The following TTLL5 variants were observed in gnomAD, a reference collection of about 807,000 sequenced individuals.
The protein encoded by TTLL5 is tubulin polyglutamylase TTLL5.
TTLL5 carries 132 observed loss-of-function variants against 168.4 expected under a neutral mutation model. The ratio of observed to expected loss-of-function variants is 0.78; its 90% CI spans 0.68 to 0.91. The LOEUF is 0.91. Ranked by LOEUF, TTLL5 falls within the 40% of genes least tolerant of loss-of-function variation. TTLL5 has a pLI of 0.00. For missense variants in TTLL5, 1,545 were observed against 1,581.5 expected (o/e 0.98, Z 0.39); for synonymous variants, 546 against 558.6 (o/e 0.98, Z 0.32).
At chr14:75,917,145 C>T (rs2033646531) in intron 31 of TTLL5, among the ~76,000 whole-genome samples, 1 of 152,172 alleles carries the variant, frequency 6.6e-6, no homozygotes, top group Non-Finnish European at 1.5e-5. Context: ...CTTAATGCCA[C>T]TGAACTGTAC....
At position 75,779,715 on chromosome 14, in the gene TTLL5, G is replaced by C. The variant is rs1891930831; in HGVS notation, c.2515+13G>C. On this transcript the variant is annotated intron_variant, in intron 24 of 31. Transcript: ENST00000298832. ...GGGGCAAAAGGTGGTAAGTATACTG[G>C]TTAATGAACGAAAAATAAGAAGAAC... 1 of 1,585,794 alleles carries C rather than the reference G, an allele frequency of 6.3e-7. No homozygotes were observed. Among genetic ancestry groups the C allele is most frequent in the African/African-American group, 1.4e-5 (1 of 72,962 alleles).
intron 28 of TTLL5, among the ~76,000 whole-genome samples, chr14:75,824,715 T>G (rs1049678486): frequency 2.0e-5 from 3 of 150,972 alleles, no homozygotes; most frequent in Non-Finnish European, 2.9e-5. Context: ...GATGGTACAT[T>G]TAAAATTATG....
chr14:75,737,148 A>G (rs1008045013), intron 15 of TTLL5, among the ~76,000 whole-genome samples: 23 of 152,222 alleles, frequency 1.5e-4, no homozygotes, highest in Admixed American at 2.6e-4. Context: ...AACTCTTTGC[A>G]AACTCTAGAA....
intron 3 of TTLL5, among the ~76,000 whole-genome samples, chr14:75,676,972 A>G (rs1012231250): frequency 2.0e-5 from 3 of 151,790 alleles, no homozygotes; most frequent in Non-Finnish European, 2.9e-5. Context: ...AGGGTCTCCT[A>G]TGTTGCTCAG....
At chr14:75,707,736 T>TGGGTGGGTATATTAA (rs755584881) in intron 9 of TTLL5, 29 bp downstream of exon 9, 2 of 1,292,044 alleles carry the variant, frequency 1.5e-6, no homozygotes, top group South Asian at 1.2e-5. Context: ...GTGAAGGGGT[T>TGGGTGGGTATATTAA]GGGTGGGTAT....
chr14:75,876,083 G>A (rs1047582359), intron 29 of TTLL5, among the ~76,000 whole-genome samples: 2 of 152,208 alleles, frequency 1.3e-5, no homozygotes, highest in Non-Finnish European at 2.9e-5. Flanking sequence ...ACGTCAACCA[G>A]TGTCTGATTG....
At chr14:75,947,436 A>G (rs1473014149) in intron 31 of TTLL5, among the ~76,000 whole-genome samples, 1 of 152,250 alleles carries the variant, frequency 6.6e-6, no homozygotes, top group Non-Finnish European at 1.5e-5. Flanking sequence ...GTTCACCAAG[A>G]AAGTGCTCAA....
chr14:75,696,763 C>G (rs1885905374), intron 6 of TTLL5, among the ~76,000 whole-genome samples: 1 of 152,186 alleles, frequency 6.6e-6, no homozygotes, highest in African/African-American at 2.4e-5. Context: ...TACATACCCT[C>G]TAGAGATATT....
At chr14:75,815,511 A>C (rs992667736) in intron 27 of TTLL5, among the ~76,000 whole-genome samples, 1 of 152,192 alleles carries the variant, frequency 6.6e-6, no homozygotes, top group African/African-American at 2.4e-5. Flanking sequence ...TGATCAAGTC[A>C]CTTTTTACCT....
chr14:75,746,169 G>A (rs1038456496), intron 17 of TTLL5, among the ~76,000 whole-genome samples: 4 of 152,068 alleles, frequency 2.6e-5, no homozygotes, highest in East Asian at 1.9e-4. Context: ...CATACAGTAT[G>A]TACTCTTTTG....
chr14:75,914,630 T>G (rs1246954236), intron 31 of TTLL5, among the ~76,000 whole-genome samples: 1 of 147,354 alleles, frequency 6.8e-6, no homozygotes, highest in African/African-American at 2.5e-5. Context: ...TTTTTTTTTT[T>G]TTTTTTTTTT....
At chr14:75,668,630 C>G (rs1455275175) in intron 2 of TTLL5, among the ~76,000 whole-genome samples, 1 of 152,074 alleles carries the variant, frequency 6.6e-6, no homozygotes, top group East Asian at 1.9e-4. Flanking sequence ...TGGTTTTATA[C>G]TGGAGGAAAA....
chr14:75,753,886 G>T (rs937107245), intron 18 of TTLL5, among the ~76,000 whole-genome samples: 4 of 152,040 alleles, frequency 2.6e-5, no homozygotes, highest in Non-Finnish European at 5.9e-5. Context: ...GTTCTGATAC[G>T]TCATTTTTCA....
intron 7 of TTLL5, 55 bp downstream of exon 7, chr14:75,699,325 C>G: frequency 7.0e-7 from 1 of 1,435,568 alleles, no homozygotes; most frequent in Non-Finnish European, 9.8e-7. Context: ...TCCTCCTTCA[C>G]CCTTTGTATT....
At chr14:75,782,705 T>A in intron 25 of TTLL5, 132 bp downstream of exon 25, 1 of 817,894 alleles carries the variant, frequency 1.2e-6, no homozygotes, top group Non-Finnish European at 1.8e-6. Flanking sequence ...TTTTTCCTTT[T>A]CCCTTAGAAT....
chr14:75,889,843 AAG>A (rs67351324), intron 30 of TTLL5, among the ~76,000 whole-genome samples: 88,058 of 109,662 alleles, frequency 0.8, 35,414 homozygotes, highest in East Asian at 0.88. Flanking sequence ...AAAAAAAAAA[AAG>A]AGGAAGGAAG....
chr14:75,795,118 G>C (rs1892931995), intron 27 of TTLL5, among the ~76,000 whole-genome samples: 1 of 151,924 alleles, frequency 6.6e-6, no homozygotes. Flanking sequence ...GTGTGATCTT[G>C]GACAGTTCAC....
intron 13 of TTLL5, among the ~76,000 whole-genome samples, chr14:75,732,851 C>T (rs1412903442): frequency 6.6e-6 from 1 of 152,152 alleles, no homozygotes; most frequent in East Asian, 1.9e-4. Flanking sequence ...TTTACCCTGT[C>T]TCATGTTTAA....
At chr14:75,827,707 C>CTTTTTTTTTTTTTTTTTTTTTTTTTT (rs561078439) in intron 28 of TTLL5, among the ~76,000 whole-genome samples, 1 of 53,170 alleles carries the variant, frequency 1.9e-5, no homozygotes, top group Non-Finnish European at 3.1e-5. Context: ...TGGCTTGGTT[C>CTTTTTTTTTTTTTTTTTTTTTTTTTT]TTTTTTTTTT....
Sources: gnomAD v4.1 joint callset for allele counts (sites outside exome capture counted in the v4.1 genomes callset) on GRCh38, gnomAD v4.1.1 for gene constraint, MANE v1.5 for transcripts, NCBI Gene and HGNC (gene_info 2026-07-23, HGNC 2026-07-21) for gene names.